The following NAA35 variants were observed in gnomAD, a reference collection of about 807,000 sequenced individuals.
NAA35 encodes N-alpha-acetyltransferase 35, NatC auxiliary subunit, also known as MAK10 homolog, amino-acid N-acetyltransferase subunit.
A neutral mutation model predicts 101.7 loss-of-function variants in NAA35; 18 were observed. The observed-to-expected ratio is 0.18, with a 90% CI of 0.12 to 0.26. NAA35 has a LOEUF of 0.26. Ranked by LOEUF, NAA35 falls within the 10% of genes least tolerant of loss-of-function variation. NAA35 has a pLI of 1.00. For missense variants in NAA35, 601 were observed against 886.8 expected (o/e 0.68, Z 4.09); for synonymous variants, 267 against 273.1 (o/e 0.98, Z 0.22).
intron 15 of NAA35, among the ~76,000 whole-genome samples, chr9:86,012,029 G>A (rs1433236318): frequency 1.4e-5 from 2 of 144,758 alleles, no homozygotes; most frequent in African/African-American, 5.1e-5. Flanking sequence ...ATGGTATGGG[G>A]AAAGAAAAAA....
At chr9:85,967,309 G>A (rs1202290027) in intron 6 of NAA35, among the ~76,000 whole-genome samples, 1 of 152,040 alleles carries the variant, frequency 6.6e-6, no homozygotes, top group East Asian at 1.9e-4. Flanking sequence ...AAATGCATAT[G>A]TCAAAAGGTT....
chr9:85,954,521 A>G (rs959351258), intron 2 of NAA35, among the ~76,000 whole-genome samples: 1 of 152,152 alleles, frequency 6.6e-6, no homozygotes, highest in Non-Finnish European at 1.5e-5. Flanking sequence ...TTTTTTTTGT[A>G]GTACCCATCT....
chr9:85,950,445 A>C (rs1385328279), intron 2 of NAA35, among the ~76,000 whole-genome samples: 1 of 152,142 alleles, frequency 6.6e-6, no homozygotes, highest in Admixed American at 6.5e-5. Context: ...GGGTTTCACC[A>C]TGTTGGCCAG....
At chr9:85,961,823 G>A (rs1265682936) in intron 5 of NAA35, among the ~76,000 whole-genome samples, 190 bp from the exon 6 acceptor site, 2 of 151,918 alleles carry the variant, frequency 1.3e-5, no homozygotes, top group Non-Finnish European at 2.9e-5. Flanking sequence ...ATTGATGTAC[G>A]ACAATGATTC....
Position 86,016,585 on chromosome 9 carries a change from C to T in NAA35, c.1615C>T (p.Arg539Cys), listed in dbSNP as rs779797378. 3.7e-6 allele frequency: 6 copies of T among 1,613,704 alleles called. No homozygotes were observed. Among genetic ancestry groups the T allele is most frequent in the Non-Finnish European group, 3.4e-6 (4 of 1,179,924 alleles). ...CGCATGGTTGATGTCAACATTGAGT[C>T]GTGCCGATGGCTCTCAAATGGCAGA... is the stretch of plus-strand genomic sequence containing the variant. ...LYAWLMSTLS[R>C]ADGSQMAEER... The change falls in exon 18 of 23, where the codon CGT (arginine) becomes TGT (cysteine). Residue 539 changes from arginine to cysteine, a missense_variant. Arg to Cys is a radical substitution (Grantham distance 180). Coordinates refer to ENST00000361671, the MANE Select transcript of NAA35 (RefSeq NM_024635.4).
chr9:86,011,992 TATA>T lies in NAA35; in HGVS notation c.1291-1047_1291-1045del, dbSNP rs200404126. Reference sequence around the variant, plus strand: ...TATATAATATATAATATATATTATATATAATAATATATAATGGAAAGGCAGCAT... The same window carrying T: ...TATATAATATATAATATATATTATATATAATATATAATGGAAAGGCAGCAT... On this transcript the variant is annotated intron_variant, in intron 15 of 22. Transcript: ENST00000361671. Among the ~76,000 whole-genome samples the T allele has an allele frequency of 4.8e-3, 692 of 143,390 alleles. 4 individuals are homozygous for T. Among genetic ancestry groups the T allele is most frequent in the African/African-American group, 0.017 (657 of 39,018 alleles). 94.1% of individuals were successfully genotyped at this position (143,390 alleles called of 152,430 possible).
At position 86,022,187 on chromosome 9, in the gene NAA35, T is replaced by C. The variant is rs1472984585; in HGVS notation, c.*227T>C. 9 of 401,642 alleles carry C rather than the reference T, an allele frequency of 2.2e-5. No homozygotes were observed. The highest frequency in any genetic ancestry group is 1.7e-4 in the Admixed American group (4 of 23,028). The allele number at this position is 401,642 out of a possible 1,614,324, so 24.9% of individuals were successfully genotyped here. On this transcript the variant is annotated 3_prime_UTR_variant, in exon 23 of 23. Transcript: ENST00000361671. ...GAAGAAACTGGTCTTATTGAATGCA[T>C]TGATGAACGTTATATGGTTTTATTA...
At chr9:86,018,908 G>A in intron 21 of NAA35, 87 bp downstream of exon 21, 7 of 1,495,890 alleles carry the variant, frequency 4.7e-6, no homozygotes, top group Non-Finnish European at 5.4e-6. Context: ...TTATGAAAGT[G>A]AACTTTAATA....
intron 6 of NAA35, among the ~76,000 whole-genome samples, chr9:85,968,279 C>T (rs758808216): frequency 2.0e-5 from 3 of 152,158 alleles, no homozygotes; most frequent in Non-Finnish European, 2.9e-5. Flanking sequence ...GGCGCTATCT[C>T]GGCTCACTGC....
At chr9:85,992,810 A>G (rs951865868) in intron 11 of NAA35, among the ~76,000 whole-genome samples, 2 of 152,200 alleles carry the variant, frequency 1.3e-5, no homozygotes, top group African/African-American at 4.8e-5. Context: ...AGGTGATAGT[A>G]GTTGCTCAGT....
intron 5 of NAA35, among the ~76,000 whole-genome samples, chr9:85,961,154 G>A (rs1829496240): frequency 1.3e-5 from 2 of 152,284 alleles, no homozygotes; most frequent in South Asian, 4.1e-4. Context: ...AGTCTGGAAA[G>A]TCTGTCTTCT....
rs766530749 is a variant in NAA35 at position 86,013,822 on chromosome 9, G to A, written c.1493G>A (p.Arg498His). The A allele has an allele frequency of 4.3e-6, 7 of 1,613,884 alleles. No homozygotes were observed. Among genetic ancestry groups the A allele is most frequent in the East Asian group, 2.2e-5 (1 of 44,870 alleles). The change falls in exon 17 of 23, where the codon CGC becomes CAC. Residue 498 changes from arginine (R) to histidine (H), a missense_variant. Arg to His is a conservative substitution (Grantham distance 29, BLOSUM62 0). This residue lies in a region of NAA35 where 99 missense variants were observed against 206.7 expected (regional missense o/e 0.48). Coordinates refer to ENST00000361671, the MANE Select transcript of NAA35 (RefSeq NM_024635.4). The stretch of plus-strand genomic sequence containing the variant: ...ACCTGGGTCCTTTACCATAACCTTC[G>A]CATTATGATACAGTACCTTCTAAGT... ...LGTWVLYHNLRIMIQYLLSGF... is the reference protein window; with the variant it reads ...LGTWVLYHNLHIMIQYLLSGF...
chr9:85,977,583 A>G, intron 10 of NAA35, 137 bp downstream of exon 10: 1 of 615,276 alleles, frequency 1.6e-6, no homozygotes, highest in East Asian at 2.7e-5. Flanking sequence ...GTATATTTAT[A>G]CCAGTGTAAC....
At chr9:85,988,770 T>C (rs748861442) in intron 11 of NAA35, among the ~76,000 whole-genome samples, 1 of 149,030 alleles carries the variant, frequency 6.7e-6, no homozygotes, top group Non-Finnish European at 1.5e-5. Flanking sequence ...CACTCCAGTC[T>C]GGGCAACAAG....
intron 5 of NAA35, among the ~76,000 whole-genome samples, chr9:85,961,349 A>C (rs1314848325): frequency 6.6e-6 from 1 of 152,196 alleles, no homozygotes; most frequent in Non-Finnish European, 1.5e-5. Context: ...AAAAGGAGAA[A>C]AATACCACCT....
intron 11 of NAA35, among the ~76,000 whole-genome samples, chr9:85,987,659 T>G (rs1830709960): frequency 6.6e-6 from 1 of 152,230 alleles, no homozygotes; most frequent in Non-Finnish European, 1.5e-5. Flanking sequence ...CTCTGATGTT[T>G]CTACTCTCTA....
rs1832628829 is a variant in NAA35, at chr9:86,022,868, C to G, written c.*908C>G. Among the ~76,000 whole-genome samples, 1 of 152,024 alleles carries G rather than the reference C, an allele frequency of 6.6e-6. No individual in the cohort carries two copies. The highest frequency in any genetic ancestry group is 2.4e-5 in the African/African-American group (1 of 41,370). On this transcript the variant is annotated 3_prime_UTR_variant, in exon 23 of 23. Coordinates refer to ENST00000361671, the MANE Select transcript of NAA35 (RefSeq NM_024635.4). ...TGTTTGCGGTGGCAGCTTTCTAGGC[C>G]TCTTGGGCCTTCCTTTTTGTCCTCT...
At chr9:85,975,536 A>G (rs1197945196) in intron 8 of NAA35, among the ~76,000 whole-genome samples, 1 of 152,170 alleles carries the variant, frequency 6.6e-6, no homozygotes, top group Middle Eastern at 3.2e-3. Context: ...TCACTAGATT[A>G]CTTATAATAT....
At chr9:86,016,015 A>T (rs986848904) in intron 17 of NAA35, among the ~76,000 whole-genome samples, 5 of 151,588 alleles carry the variant, frequency 3.3e-5, no homozygotes, top group Non-Finnish European at 7.4e-5. Context: ...ATGCATATAT[A>T]TTTTTATATA....
Sources: allele counts gnomAD v4.1 joint callset (sites outside exome capture counted in the v4.1 genomes callset), GRCh38; gene constraint gnomAD v4.1.1; regional missense constraint gnomAD v4.1.1; transcripts MANE v1.5; gene names NCBI Gene and HGNC (gene_info 2026-07-23, HGNC 2026-07-21).